Variants in SEC14L2 observed in about 807,000 individuals in gnomAD.
SEC14L2 encodes the protein SEC14 like lipid binding 2.
In SEC14L2, 50 loss-of-function variants were observed where a neutral mutation model predicts 56.9. The ratio of observed to expected loss-of-function variants is 0.88; its 90% CI spans 0.70 to 1.11. The LOEUF is 1.11. Among genes scored for constraint, SEC14L2 ranks in the 50% most tolerant of loss-of-function variants. The probability of loss-of-function intolerance (pLI) is 0.00; values close to 1 mark genes in which losing one functional copy is unlikely to be tolerated. For synonymous variants in SEC14L2, 179 were observed against 188.5 expected, an observed-to-expected ratio of 0.95 and a Z score of 0.41; for missense variants, 414 against 500.7, an observed-to-expected ratio of 0.83 and a Z score of 1.65.
intron 1 of SEC14L2, among the ~76,000 whole-genome samples, chr22:30,398,230 G>A (rs1933814960): frequency 6.6e-6 from 1 of 152,220 alleles, no homozygotes; most frequent in South Asian, 2.1e-4. Flanking sequence ...AGGCAGAGAA[G>A]GGATTAGGTG....
intron 11 of SEC14L2, among the ~76,000 whole-genome samples, chr22:30,417,560 C>A (rs1934419012): frequency 1.5e-5 from 1 of 66,400 alleles, no homozygotes; most frequent in Non-Finnish European, 3.0e-5. Flanking sequence ...CGGACTGCTA[C>A]ACTGGGGTAT....
Position 30,406,348 on chromosome 22 carries a change from G to A in SEC14L2, c.137G>A (p.Ser46Asn), listed in dbSNP as rs765123795. The A allele has an allele frequency of 2.4e-5, 39 of 1,613,958 alleles. 1 individual carries two copies. The South Asian group carries it at 4.2e-4, about 17-fold the overall frequency. ...YFLLRWLRAR[S>N]FDLQKSEAML... is the part of the protein sequence containing the mutation. Reference sequence around the variant, plus strand: ...AACTGTTTCCCTGTTACAGCCAGAAGCTTCGACCTGCAGAAGTCGGAGGCC... The same window carrying A: ...AACTGTTTCCCTGTTACAGCCAGAAACTTCGACCTGCAGAAGTCGGAGGCC... Residue 46 changes from serine (S) to asparagine (N), a missense_variant, in exon 3 of 12, where the codon AGC becomes AAC. Coordinates refer to ENST00000615189, the MANE Select transcript of SEC14L2 (RefSeq NM_012429.5).
Position 30,422,522 on chromosome 22 carries a change from AC to A in SEC14L2, c.*117del. ...CCAAAGAAACTGGGCTGGAGGACAG[AC>A]CTCAGGAGCTTTCATTTCAGTTAGG... On this transcript the variant is annotated 3_prime_UTR_variant, in exon 12 of 12. Coordinates refer to ENST00000615189, the MANE Select transcript of SEC14L2 (RefSeq NM_012429.5). 7.5e-7 allele frequency: 1 copy of A among 1,325,504 alleles called. No individual in the cohort carries two copies. The highest frequency in any genetic ancestry group is 1.4e-5 in the South Asian group (1 of 71,606). 82.1% of individuals were successfully genotyped at this position (1,325,504 alleles called of 1,614,324 possible).
intron 11 of SEC14L2, among the ~76,000 whole-genome samples, chr22:30,419,440 C>A (rs1356277527): frequency 6.6e-6 from 1 of 152,142 alleles, no homozygotes; most frequent in Non-Finnish European, 1.5e-5. Flanking sequence ...GTAATCCCAG[C>A]TACTTGGCAT....
Position 30,422,435 on chromosome 22 carries a change from C to G in SEC14L2, c.*28C>G. On this transcript the variant is annotated 3_prime_UTR_variant, in exon 12 of 12. Transcript: ENST00000615189. ...CCTTCTCCTATAGCAGGCCTGGCCCCCTCAGTGTCTCCCTGTCAATTTCTA... is the reference window on the plus strand; with the variant it reads ...CCTTCTCCTATAGCAGGCCTGGCCCGCTCAGTGTCTCCCTGTCAATTTCTA... The G allele has an allele frequency of 1.2e-6, 2 of 1,613,362 alleles. No homozygotes were observed. The highest frequency in any genetic ancestry group is 1.7e-6 in the Non-Finnish European group (2 of 1,179,676).
intron 8 of SEC14L2, 70 bp from the exon 9 acceptor site, chr22:30,415,689 C>A: frequency 7.2e-7 from 1 of 1,381,896 alleles, no homozygotes; most frequent in Non-Finnish European, 1.0e-6. Flanking sequence ...TAGTGTAGAC[C>A]ACTAGGGTTA....
intron 2 of SEC14L2, among the ~76,000 whole-genome samples, chr22:30,400,864 C>T (rs1209427033): frequency 1.5e-5 from 2 of 132,982 alleles, no homozygotes; most frequent in African/African-American, 5.8e-5. Context: ...CACTGCACTC[C>T]AGCCTGGGTG....
chr22:30,397,623 C>A, intron 1 of SEC14L2: 1 of 316,822 alleles, frequency 3.2e-6, no homozygotes, highest in South Asian at 2.5e-5. Context: ...ATAGCTCCTG[C>A]CCCGGCACCA....
At chr22:30,402,614 C>T (rs923641683) in intron 2 of SEC14L2, among the ~76,000 whole-genome samples, 6 of 152,170 alleles carry the variant, frequency 3.9e-5, no homozygotes, top group African/African-American at 9.7e-5. Context: ...GAAGCCACCC[C>T]TGCTCCTTAA....
chr22:30,414,295 G>T (rs1934330040), intron 8 of SEC14L2, among the ~76,000 whole-genome samples: 1 of 152,208 alleles, frequency 6.6e-6, no homozygotes, highest in Admixed American at 6.5e-5. Flanking sequence ...CCATGGGCAT[G>T]AGACGGTTTG....
chr22:30,399,047 C>A (rs1208082264), intron 1 of SEC14L2, among the ~76,000 whole-genome samples: 1 of 152,146 alleles, frequency 6.6e-6, no homozygotes, highest in Non-Finnish European at 1.5e-5. Context: ...TCACGATTAG[C>A]TGGGAACACA....
intron 2 of SEC14L2, 71 bp from the exon 3 acceptor site, chr22:30,406,271 G>A: frequency 2.0e-6 from 3 of 1,466,830 alleles, no homozygotes; most frequent in Middle Eastern, 1.7e-4. Context: ...ATGGGAATAT[G>A]GGAATCTCCC....
chr22:30,422,239 A>C, intron 11 of SEC14L2, 38 bp from the exon 12 acceptor site: 1 of 1,612,096 alleles, frequency 6.2e-7, no homozygotes. Flanking sequence ...CTTTGCCAGA[A>C]CTGCCTGAAT....
At chr22:30,414,395 A>C (rs2146034400) in intron 8 of SEC14L2, among the ~76,000 whole-genome samples, 1 of 152,294 alleles carries the variant, frequency 6.6e-6, no homozygotes, top group Non-Finnish European at 1.5e-5. Context: ...CAGGCTGGGA[A>C]GATACAGAAT....
At chr22:30,397,814 T>A (rs1322050814) in intron 1 of SEC14L2, 1 of 470,830 alleles carries the variant, frequency 2.1e-6, no homozygotes, top group East Asian at 7.0e-5. Flanking sequence ...CTATCTTGCA[T>A]CCCAGACCCC....
At chr22:30,401,738 G>T (rs2146008305) in intron 2 of SEC14L2, among the ~76,000 whole-genome samples, 1 of 150,282 alleles carries the variant, frequency 6.7e-6, no homozygotes, top group East Asian at 2.0e-4. Flanking sequence ...GGCCAGCCTG[G>T]TCTCGAATTC....
chr22:30,408,801 C>T (rs1017085492), intron 5 of SEC14L2, among the ~76,000 whole-genome samples: 2 of 152,212 alleles, frequency 1.3e-5, no homozygotes, highest in African/African-American at 4.8e-5. Context: ...AAGCATTAGA[C>T]GTGGATGCAC....
chr22:30,421,245 C>T (rs1034639813), intron 11 of SEC14L2: 2 of 152,170 alleles, frequency 1.3e-5, no homozygotes, highest in African/African-American at 4.8e-5. Context: ...AATTTTGAAA[C>T]TGTCAAACTC....
intron 1 of SEC14L2, among the ~76,000 whole-genome samples, chr22:30,399,354 A>C (rs1200212306): frequency 6.6e-6 from 1 of 151,898 alleles, no homozygotes; most frequent in African/African-American, 2.4e-5. Context: ...GTCTCTACTA[A>C]AAATACAAAA....
Sources: allele counts gnomAD v4.1 joint callset (sites outside exome capture counted in the v4.1 genomes callset), GRCh38; gene constraint gnomAD v4.1.1; transcripts MANE v1.5; gene names NCBI Gene and HGNC (gene_info 2026-07-23, HGNC 2026-07-21).